The following SCNN1D variants were observed in gnomAD, a reference collection of about 807,000 sequenced individuals.
SCNN1D encodes the protein epithelial sodium channel subunit delta.
SCNN1D carries 104 observed loss-of-function variants against 87.8 expected under a neutral mutation model. That is an observed-to-expected ratio of 1.18 (90% CI 1.01 to 1.39). The LOEUF is 1.39. Among genes scored for constraint, SCNN1D ranks in the 40% most tolerant of loss-of-function variants. The pLI is 0.00. For synonymous variants in SCNN1D, 628 were observed against 481.2 expected (o/e 1.31, Z -3.99); for missense variants, 1,324 against 1,093.9 (o/e 1.21, Z -2.97).
Position 1,290,468 on chromosome 1 carries a change from C to T in SCNN1D, c.1781-9C>T, listed in dbSNP as rs1025710305. ...CGAGCCTCACACATGCCTCTGACCC[C>T]TCCCCAAGGACACTGCTTCTACCGC... On this transcript the variant is annotated splice_polypyrimidine_tract_variant and intron_variant, in intron 13 of 17. Transcript: ENST00000379116. 1 of 1,612,664 alleles carries T rather than the reference C, an allele frequency of 6.2e-7. No individual in the cohort carries two copies. Among genetic ancestry groups the T allele is most frequent in the South Asian group, 1.1e-5 (1 of 91,086 alleles).
At chr1:1,284,210 G>GGGT in intron 5 of SCNN1D, 120 bp downstream of exon 5, 1 of 62,360 alleles carries the variant, frequency 1.6e-5, no homozygotes, top group African/African-American at 7.6e-5. Context: ...TGGGGGGGTT[G>GGGT]GATGAGGGGG....
chr1:1,283,884 T>C (rs1001321198), intron 4 of SCNN1D, 94 bp from the exon 5 acceptor site: 5 of 586,408 alleles, frequency 8.5e-6, no homozygotes, highest in Admixed American at 9.7e-5. Flanking sequence ...CCCCAGGAAT[T>C]CCCCTTTTGG....
chr1:1,280,975 AG>A, intron 1 of SCNN1D: 2 of 590,006 alleles, frequency 3.4e-6, no homozygotes, highest in East Asian at 2.8e-5. Context: ...CCCGGGGCCG[AG>A]GGGGCTCTGC....
At position 1,281,517 on chromosome 1, in the gene SCNN1D, G is replaced by T. The variant is rs367655185; in HGVS notation, c.184G>T (p.Gly62Trp). The T allele has an allele frequency of 2.6e-6, 4 of 1,535,328 alleles. No homozygotes were observed. The highest frequency in any genetic ancestry group is 2.4e-5 in the South Asian group (2 of 84,010). ...GCCAGCGAGGGGATGGCCCAGAAGA[G>T]GGGGAGGACCATGTGGATTCACCAG... ...TGPARGWPRR[G>W]GGPCGFTSAG... Residue 62 changes from glycine to tryptophan, a missense_variant, in exon 3 of 18, where the codon GGG (glycine) becomes TGG (tryptophan). Physicochemically the swap from Gly to Trp is radical, Grantham distance 184. Coordinates refer to ENST00000379116, the MANE Select transcript of SCNN1D (RefSeq NM_001130413.4).
rs1296346862 is a variant in SCNN1D at position 1,290,644 on chromosome 1, G to C, written c.1867G>C (p.Ala623Pro). Residue 623 changes from alanine to proline, a missense_variant, in exon 15 of 18, where the codon GCA becomes CCA. Transcript: ENST00000379116. ...CCCGGCTGTCTCTTCCAGGGAGTCT[G>C]CATTCAAGCTCTCCACTGGGACCTC... ...SRCPRPCRESAFKLSTGTSRW... is the reference protein window; with the variant it reads ...SRCPRPCRESPFKLSTGTSRW... 1 of 1,612,656 alleles carries C rather than the reference G, an allele frequency of 6.2e-7. No individual in the cohort carries two copies. Among genetic ancestry groups the C allele is most frequent in the Admixed American group, 1.7e-5 (1 of 60,012 alleles).
In SCNN1D at chr1:1,286,986, C is replaced by T. The variant is rs781468483; in HGVS notation, c.1119+11C>T. 2.7e-5 allele frequency: 43 copies of T among 1,608,130 alleles called. No individual in the cohort carries two copies. In the Admixed American group the frequency reaches 5.4e-4, roughly 20 times the overall value. ...GTGGGGTTCAGACTGGTGAGTGTCC[C>T]AGCCGGGGCCTGCAGCCATCAGGGC... On this transcript the variant is annotated intron_variant, in intron 8 of 17. Coordinates refer to ENST00000379116, the MANE Select transcript of SCNN1D (RefSeq NM_001130413.4).
At chr1:1,287,059 G>A in intron 8 of SCNN1D, 50 bp from the exon 9 acceptor site, 3 of 1,576,772 alleles carry the variant, frequency 1.9e-6, no homozygotes, top group Middle Eastern at 1.7e-4. Context: ...CGAGTGGGGA[G>A]CGGGGCCTGG....
Sources: gnomAD v4.1 joint callset for allele counts on GRCh38, gnomAD v4.1.1 for gene constraint, MANE v1.5 for transcripts, NCBI Gene and HGNC (gene_info 2026-07-23, HGNC 2026-07-21) for gene names.